KCNJ6: variants seen among roughly 807,000 people sequenced by gnomAD.
KCNJ6 encodes the protein G protein-activated inward rectifier potassium channel 2.
Under a neutral mutation model 34.2 loss-of-function variants are expected in KCNJ6, and 9 were observed. That is an observed-to-expected ratio of 0.26 (90% CI 0.16 to 0.46). The LOEUF (loss-of-function observed/expected upper bound fraction) is 0.46, where lower values mean the gene tolerates loss of function less well. KCNJ6 is among the 20% of genes least tolerant of loss of function. KCNJ6 has a pLI of 1.00. For missense variants in KCNJ6, 236 were observed against 531.3 expected, an observed-to-expected ratio of 0.44 and a Z score of 5.46; for synonymous variants, 196 against 207.1, an observed-to-expected ratio of 0.95 and a Z score of 0.46.
rs1376592590 is a variant in KCNJ6, at chr21:37,714,364, A to G, written c.793T>C (p.Tyr265His). The G allele has an allele frequency of 6.2e-7, 1 of 1,614,172 alleles. No individual in the cohort carries two copies. Among genetic ancestry groups the G allele is most frequent in the South Asian group, 1.1e-5 (1 of 91,080 alleles). ...AGAAACAGACGGTCATCCCCCGTGT[A>G]ATACCCTACGTTGATATCCGTCTGG... ...LNQTDINVGY[Y>H]TGDDRLFLVS... The change falls in exon 3 of 4, where the codon TAC (tyrosine) becomes CAC (histidine). Residue 265 changes from tyrosine to histidine, a missense_variant. Tyr to His is a moderately conservative substitution (Grantham distance 83). This residue lies in a region of KCNJ6 where 60 missense variants were observed against 207.3 expected (regional missense o/e 0.29). Coordinates refer to ENST00000609713, the MANE Select transcript of KCNJ6 (RefSeq NM_002240.5). This position sits in a 1 kb window ranked among gnomAD's most constrained non-coding sequence, Gnocchi z 5.9.
intron 2 of KCNJ6, among the ~76,000 whole-genome samples, chr21:37,727,391 G>A (rs1368385441): frequency 6.6e-6 from 1 of 152,016 alleles, no homozygotes; most frequent in Non-Finnish European, 1.5e-5. Context: ...AGTGAGGGAC[G>A]GTGAGTGTAG....
intron 3 of KCNJ6, among the ~76,000 whole-genome samples, chr21:37,648,124 A>C (rs979502406): frequency 6.6e-6 from 1 of 152,148 alleles, no homozygotes; most frequent in Non-Finnish European, 1.5e-5. Flanking sequence ...GGAGGGGGAC[A>C]TCAGGCTGAA....
intron 2 of KCNJ6, among the ~76,000 whole-genome samples, chr21:37,823,718 CT>C (rs1411488297): frequency 6.6e-6 from 1 of 152,230 alleles, no homozygotes; most frequent in Admixed American, 6.5e-5. Context: ...AATTAAACCT[CT>C]TTCCTTTATA....
At chr21:37,840,158 G>A (rs1457854792) in intron 2 of KCNJ6, among the ~76,000 whole-genome samples, 3 of 152,156 alleles carry the variant, frequency 2.0e-5, no homozygotes, top group Admixed American at 6.5e-5. Context: ...GCACTATAAC[G>A]CTATGTTCAA....
intron 2 of KCNJ6, among the ~76,000 whole-genome samples, chr21:37,764,950 G>C (rs1211322112): frequency 6.6e-6 from 1 of 152,192 alleles, no homozygotes; most frequent in Non-Finnish European, 1.5e-5. Context: ...TTCTCAGGGG[G>C]TGAAGCAGTG....
At chr21:37,752,909 A>G (rs905629014) in intron 2 of KCNJ6, among the ~76,000 whole-genome samples, 1 of 152,236 alleles carries the variant, frequency 6.6e-6, no homozygotes, top group African/African-American at 2.4e-5. Context: ...GAAGGGATTC[A>G]TACTGGAGTT....
chr21:37,762,412 T>G (rs2055070081), intron 2 of KCNJ6, among the ~76,000 whole-genome samples: 1 of 152,100 alleles, frequency 6.6e-6, no homozygotes, highest in Non-Finnish European at 1.5e-5. Flanking sequence ...CATTAGAAAT[T>G]TTTAAAAACC....
chr21:37,787,878 G>C (rs75414665), intron 2 of KCNJ6, among the ~76,000 whole-genome samples: 1 of 152,152 alleles, frequency 6.6e-6, no homozygotes, highest in Non-Finnish European at 1.5e-5. Context: ...TAAGGTCATG[G>C]TTCCATCAGT....
At chr21:37,720,475 A>G (rs999609502) in intron 2 of KCNJ6, among the ~76,000 whole-genome samples, 4 of 152,224 alleles carry the variant, frequency 2.6e-5, no homozygotes, top group African/African-American at 9.6e-5. Context: ...CGAGTCAGCT[A>G]TCCCTGTAAC....
At chr21:37,666,668 T>C (rs1466776043) in intron 3 of KCNJ6, among the ~76,000 whole-genome samples, 1 of 151,794 alleles carries the variant, frequency 6.6e-6, no homozygotes, top group African/African-American at 2.4e-5. Flanking sequence ...ACAGTGACCA[T>C]CGAGAACGGG....
intron 1 of KCNJ6, among the ~76,000 whole-genome samples, chr21:37,909,357 C>CTGCACAA (rs1020096846): frequency 2.6e-5 from 4 of 151,908 alleles, no homozygotes; most frequent in African/African-American, 9.7e-5. Flanking sequence ...GTGCTGGACA[C>CTGCACAA]TGCACAAAGA....
At chr21:37,889,750 C>T (rs1448091072) in intron 1 of KCNJ6, among the ~76,000 whole-genome samples, 2 of 152,152 alleles carry the variant, frequency 1.3e-5, no homozygotes, top group African/African-American at 4.8e-5. Context: ...ACCCATCACT[C>T]CAATCTCTGC....
At chr21:37,848,529 G>C (rs2055521537) in intron 1 of KCNJ6, among the ~76,000 whole-genome samples, 1 of 152,182 alleles carries the variant, frequency 6.6e-6, no homozygotes. Context: ...AGGTCCCTAT[G>C]TACAGGTCAC....
chr21:37,809,880 A>T (rs1467508750), intron 2 of KCNJ6, among the ~76,000 whole-genome samples: 2 of 152,196 alleles, frequency 1.3e-5, no homozygotes, highest in Non-Finnish European at 2.9e-5. Flanking sequence ...CTGGGGATCC[A>T]CACCCTGGAG....
chr21:37,882,960 G>A (rs921763325), intron 1 of KCNJ6, among the ~76,000 whole-genome samples: 2 of 152,232 alleles, frequency 1.3e-5, no homozygotes, highest in Admixed American at 1.3e-4. Context: ...ACTCATGAGT[G>A]ATAGTGCATG....
intron 1 of KCNJ6, among the ~76,000 whole-genome samples, chr21:37,891,821 C>T (rs1238099943): frequency 1.3e-5 from 2 of 152,090 alleles, no homozygotes. Flanking sequence ...GCTGCTGTTC[C>T]TGTTGGAGGT....
intron 2 of KCNJ6, among the ~76,000 whole-genome samples, chr21:37,828,380 C>T (rs957136268): frequency 1.3e-5 from 2 of 152,182 alleles, no homozygotes; most frequent in Non-Finnish European, 2.9e-5. Context: ...CCCCGCAGCA[C>T]TGGAAGCCAG....
At chr21:37,864,620 C>T (rs1232197104) in intron 1 of KCNJ6, among the ~76,000 whole-genome samples, 2 of 152,118 alleles carry the variant, frequency 1.3e-5, no homozygotes, top group African/African-American at 2.4e-5. Flanking sequence ...GCAGGGGTTT[C>T]AGAGGTGGAG....
intron 3 of KCNJ6, among the ~76,000 whole-genome samples, chr21:37,678,980 G>A (rs532643058): frequency 6.6e-6 from 1 of 152,346 alleles, no homozygotes; most frequent in Admixed American, 6.5e-5. Flanking sequence ...AAGTGATGGT[G>A]TGTAACTTTA....
Sources: gnomAD v4.1 joint callset for allele counts (sites outside exome capture counted in the v4.1 genomes callset) on GRCh38, gnomAD v4.1.1 for gene constraint, gnomAD v4.1.1 regional missense constraint, Gnocchi (gnomAD v3.1) non-coding constraint, MANE v1.5 for transcripts, NCBI Gene and HGNC (gene_info 2026-07-23, HGNC 2026-07-21) for gene names.